The following DISC1 variants were observed in gnomAD, a reference collection of about 807,000 sequenced individuals.
The protein encoded by DISC1 is DISC1 scaffold protein, also known as disrupted in schizophrenia 1 protein.
A neutral mutation model predicts 84.5 loss-of-function variants in DISC1; 57 were observed. That is an observed-to-expected ratio of 0.67 (90% CI 0.55 to 0.84). DISC1 has a LOEUF of 0.84. Among genes scored for constraint, DISC1 ranks in the 40% least tolerant of loss-of-function variants. DISC1 has a pLI of 0.00. For missense variants in DISC1, 1,000 were observed against 1,057.8 expected (o/e 0.95, Z 0.76); for synonymous variants, 411 against 415.2 (o/e 0.99, Z 0.12).
chr1:231,651,889 C>G (rs77294870), intron 1 of DISC1, among the ~76,000 whole-genome samples: 2 of 152,226 alleles, frequency 1.3e-5, no homozygotes, highest in South Asian at 2.1e-4. Flanking sequence ...GTGGGACCTG[C>G]TGAGCCAGGC....
intron 10 of DISC1, among the ~76,000 whole-genome samples, chr1:231,961,557 G>A (rs1660383372): frequency 1.3e-5 from 2 of 152,126 alleles, no homozygotes; most frequent in Non-Finnish European, 2.9e-5. Context: ...TCAGTCTCCA[G>A]TATCTATTGT....
chr1:231,720,744 G>A lies in DISC1; in HGVS notation c.1117+18720G>A. On this transcript the variant is annotated intron_variant, in intron 3 of 12. Transcript: ENST00000439617. ...TTTCCCTTGGGGCTTTCTGCATGAG[G>A]GCTAAAATGTGAAGTTCTTAAGTTT... is the stretch of plus-strand genomic sequence containing the variant. The A allele has an allele frequency of 6.7e-6, 6 of 890,808 alleles. No homozygotes were observed. The South Asian group carries it at 8.4e-5, about 12-fold the overall frequency. The allele number at this position is 890,808 out of a possible 1,614,324, so 55.2% of individuals were successfully genotyped here. A position where few individuals can be genotyped will look rare whatever the true frequency, so the allele number is the denominator to read the frequency against.
chr1:231,986,206 C>A (rs1664412700), intron 10 of DISC1, among the ~76,000 whole-genome samples: 1 of 152,208 alleles, frequency 6.6e-6, no homozygotes, highest in Non-Finnish European at 1.5e-5. Context: ...TTCTAATTCA[C>A]CCCTCCCTGT....
intron 4 of DISC1, chr1:231,750,298 G>T: frequency 1.5e-6 from 2 of 1,357,730 alleles, no homozygotes; most frequent in African/African-American, 1.5e-5. Flanking sequence ...ACTTGACAGA[G>T]AGAGAACCTT....
chr1:231,688,267 G>A (rs146375396), intron 1 of DISC1, among the ~76,000 whole-genome samples: 6 of 152,106 alleles, frequency 3.9e-5, no homozygotes, highest in Admixed American at 2.0e-4. Flanking sequence ...GGACAATGGC[G>A]TGTGGGTTTG....
intron 3 of DISC1, among the ~76,000 whole-genome samples, chr1:231,713,131 A>T (rs1345350060): frequency 6.6e-6 from 1 of 152,150 alleles, no homozygotes; most frequent in Admixed American, 6.6e-5. Context: ...CTACAAATGG[A>T]CTATTATAGC....
At chr1:231,934,303 C>G (rs79510387) in intron 9 of DISC1, among the ~76,000 whole-genome samples, 6 of 152,272 alleles carry the variant, frequency 3.9e-5, no homozygotes, top group African/African-American at 1.4e-4. Flanking sequence ...AAATAAACTC[C>G]TTTACAATGT....
chr1:231,759,020 G>A (rs1357188931), intron 4 of DISC1, among the ~76,000 whole-genome samples: 1 of 152,150 alleles, frequency 6.6e-6, no homozygotes, highest in East Asian at 1.9e-4. Context: ...TTAAAACAAA[G>A]ATCTATCATG....
intron 1 of DISC1, among the ~76,000 whole-genome samples, chr1:231,667,197 A>T (rs1339608336): frequency 2.0e-5 from 3 of 152,214 alleles, no homozygotes; most frequent in African/African-American, 4.8e-5. Context: ...AGGACCACAG[A>T]GGTCTTATTC....
chr1:231,950,496 A>G lies in DISC1; in HGVS notation c.1982-8332A>G, dbSNP rs544874968. Reference sequence around the variant, plus strand: ...TTAGCCTGTCTTTCCATTTAGAAAAAGCATTTGACAAAGGCACGTGAGTGG... The same window carrying G: ...TTAGCCTGTCTTTCCATTTAGAAAAGGCATTTGACAAAGGCACGTGAGTGG... On this transcript the variant is annotated intron_variant, in intron 9 of 12. Coordinates refer to ENST00000439617, the MANE Select transcript of DISC1 (RefSeq NM_018662.3). 6.4e-4 allele frequency among the ~76,000 whole-genome samples: 98 copies of G among 152,268 alleles called. 2 individuals are homozygous for G. In the South Asian group the frequency reaches 8.5e-3, roughly 13 times the overall value.
intron 10 of DISC1, 117 bp from the exon 11 acceptor site, chr1:232,008,668 T>G (rs1667759910): frequency 8.3e-7 from 1 of 1,211,852 alleles, no homozygotes; most frequent in Admixed American, 2.6e-5. Flanking sequence ...ACTGTGAAAT[T>G]AAGTCATCAA....
At chr1:231,659,885 T>C (rs1375327569) in intron 1 of DISC1, among the ~76,000 whole-genome samples, 7 of 152,162 alleles carry the variant, frequency 4.6e-5, no homozygotes, top group African/African-American at 1.7e-4. Flanking sequence ...GAGTGTTTTA[T>C]TTCCAATTAT....
chr1:231,896,805 T>C (rs1317021772), intron 9 of DISC1, among the ~76,000 whole-genome samples: 3 of 152,198 alleles, frequency 2.0e-5, no homozygotes, highest in Admixed American at 6.5e-5. Context: ...TCAGTAAATA[T>C]TATACCTGTG....
In DISC1 at chr1:231,800,161, T is replaced by A. The variant is rs1434310705; in HGVS notation, c.1743T>A (p.Ile581=). Residue 581 remains isoleucine (I), a synonymous_variant, in exon 8 of 13, where the codon ATT becomes ATA. Coordinates refer to ENST00000439617, the MANE Select transcript of DISC1 (RefSeq NM_018662.3). ...CSTLRKKVND[I]ETQLPALLEA... ...CCCTGAGGAAGAAAGTTAACGATAT[T>A]GAAACCCAACTACCAGCCTTGCTTG... 2 of 1,611,848 alleles carry A rather than the reference T, an allele frequency of 1.2e-6. No homozygotes were observed. The highest frequency in any genetic ancestry group is 2.7e-5 in the African/African-American group (2 of 74,670).
At position 231,732,784 on chromosome 1, in the gene DISC1, G is replaced by T. The variant is rs192753285; in HGVS notation, c.1118-17142G>T. Among the ~76,000 whole-genome samples the T allele has an allele frequency of 3.3e-5, 5 of 152,362 alleles. No individual in the cohort carries two copies. In the East Asian group the frequency reaches 7.7e-4, roughly 23 times the overall value. On this transcript the variant is annotated intron_variant, in intron 3 of 12. Transcript: ENST00000439617. ...GATAGTTTGCTCTTTCTACTAATAA[G>T]TAGGAGCCACGATAGTAGTATTGTG...
At chr1:231,907,339 C>A (rs1466277679) in intron 9 of DISC1, among the ~76,000 whole-genome samples, 1 of 151,370 alleles carries the variant, frequency 6.6e-6, no homozygotes, top group Non-Finnish European at 1.5e-5. Flanking sequence ...ACAACAGGCC[C>A]CAGTGTGTGA....
At chr1:231,942,075 G>T (rs1158230851) in intron 9 of DISC1, among the ~76,000 whole-genome samples, 1 of 152,258 alleles carries the variant, frequency 6.6e-6, no homozygotes, top group East Asian at 1.9e-4. Flanking sequence ...GTAACCAGGG[G>T]ATGAGGGAAA....
chr1:231,933,698 C>G (rs961458039), intron 9 of DISC1, among the ~76,000 whole-genome samples: 3 of 152,170 alleles, frequency 2.0e-5, no homozygotes, highest in Non-Finnish European at 4.4e-5. Context: ...TCCTTTTAAC[C>G]TGGCATCTTT....
intron 1 of DISC1, among the ~76,000 whole-genome samples, chr1:231,650,008 CTT>C (rs1201709820): frequency 1.3e-5 from 2 of 152,136 alleles, no homozygotes; most frequent in African/African-American, 2.4e-5. Context: ...GGTCTTGACT[CTT>C]TGTCCAATTT....
Sources: allele counts gnomAD v4.1 joint callset (sites outside exome capture counted in the v4.1 genomes callset), GRCh38; gene constraint gnomAD v4.1.1; transcripts MANE v1.5; gene names NCBI Gene and HGNC (gene_info 2026-07-23, HGNC 2026-07-21).